NOVA1: variants seen among roughly 807,000 people sequenced by gnomAD.
NOVA1 encodes RNA-binding protein Nova-1.
A neutral mutation model predicts 38.0 loss-of-function variants in NOVA1; 7 were observed. The ratio of observed to expected loss-of-function variants is 0.18; its 90% CI spans 0.10 to 0.35. The LOEUF is 0.35. NOVA1 is among the 10% of genes least tolerant of loss of function. The probability of loss-of-function intolerance (pLI) is 1.00; values close to 1 mark genes in which losing one functional copy is unlikely to be tolerated. For missense variants in NOVA1, 460 were observed against 616.0 expected, an observed-to-expected ratio of 0.75 and a Z score of 2.68; for synonymous variants, 270 against 232.5, an observed-to-expected ratio of 1.16 and a Z score of -1.47.
At chr14:26,536,020 A>T (rs1890065841) in intron 2 of NOVA1, among the ~76,000 whole-genome samples, 1 of 151,972 alleles carries the variant, frequency 6.6e-6, no homozygotes, top group Non-Finnish European at 1.5e-5. Context: ...ACAATGGAGT[A>T]TTTAGCCATA....
chr14:26,597,607 G>T lies in NOVA1; in HGVS notation c.-171C>A. On this transcript the variant is annotated 5_prime_UTR_variant, in exon 1 of 5. Coordinates refer to ENST00000539517, the MANE Select transcript of NOVA1 (RefSeq NM_002515.3). ...CTTTAGGAAAAAAAGCAATGTTGCT[G>T]GTTTGTTCTCACTGGGGAGGGGGCA... 1 of 1,213,318 alleles carries T rather than the reference G, an allele frequency of 8.2e-7. No homozygotes were observed. Among genetic ancestry groups the T allele is most frequent in the African/African-American group, 1.7e-5 (1 of 59,756 alleles). The allele number at this position is 1,213,318 out of a possible 1,614,324, so 75.2% of individuals were successfully genotyped here.
intron 2 of NOVA1, among the ~76,000 whole-genome samples, chr14:26,548,271 TA>T (rs1470554715): frequency 1.3e-5 from 2 of 152,036 alleles, no homozygotes; most frequent in Admixed American, 6.6e-5. Context: ...GGAAAACACT[TA>T]AAATGTCCCT....
At chr14:26,590,929 ACT>A (rs1002393868) in intron 2 of NOVA1, among the ~76,000 whole-genome samples, 1 of 151,794 alleles carries the variant, frequency 6.6e-6, no homozygotes, top group East Asian at 1.9e-4. Context: ...CTTATAACTT[ACT>A]CTGTCAACAT....
chr14:26,480,682 T>C (rs1885392438), intron 2 of NOVA1, among the ~76,000 whole-genome samples: 1 of 152,114 alleles, frequency 6.6e-6, no homozygotes, highest in African/African-American at 2.4e-5. Context: ...TTTTTTTACT[T>C]TTTCACTAGA....
intron 2 of NOVA1, among the ~76,000 whole-genome samples, chr14:26,540,801 T>A (rs1371554641): frequency 6.6e-6 from 1 of 152,168 alleles, no homozygotes; most frequent in Non-Finnish European, 1.5e-5. Flanking sequence ...TCACAATTAG[T>A]TGAGTGAACT....
chr14:26,523,435 CTTCTT>C (rs1479924552), intron 2 of NOVA1, among the ~76,000 whole-genome samples: 1 of 152,186 alleles, frequency 6.6e-6, no homozygotes, highest in Non-Finnish European at 1.5e-5. Flanking sequence ...ATTCTCTTCT[CTTCTT>C]GTTTTGACAT....
chr14:26,513,450 A>C (rs528100155), intron 2 of NOVA1, among the ~76,000 whole-genome samples: 37 of 151,992 alleles, frequency 2.4e-4, no homozygotes, highest in Admixed American at 1.2e-3. Context: ...AAAAATTATT[A>C]ACATAATTAA....
intron 2 of NOVA1, among the ~76,000 whole-genome samples, chr14:26,572,681 G>T (rs905348514): frequency 1.3e-5 from 2 of 149,964 alleles, no homozygotes; most frequent in Non-Finnish European, 3.0e-5. Context: ...AGACTTCCTG[G>T]ATGATCATAT....
rs745327118 is a variant in NOVA1, at chr14:26,472,378, G to C, written c.461C>G (p.Ser154Cys). Residue 154 changes from serine to cysteine, a missense_variant, in exon 4 of 5, where the codon TCC (serine) becomes TGC (cysteine). Transcript: ENST00000539517. ...TGGAGAGGACTTGGTGGTAGTTGGG[G>C]AAGATGGCAATGTCTGGGAAACAAA... ...PDRIKQTLPS[S>C]PTTTKSSPSD... 3 of 1,539,026 alleles carry C rather than the reference G, an allele frequency of 1.9e-6. No homozygotes were observed. The highest frequency in any genetic ancestry group is 2.6e-6 in the Non-Finnish European group (3 of 1,137,384).
Position 26,448,421 on chromosome 14 carries a change from T to G in NOVA1, c.1062A>C (p.Pro354=). 1 of 1,611,738 alleles carries G rather than the reference T, an allele frequency of 6.2e-7. No homozygotes were observed. The highest frequency in any genetic ancestry group is 8.5e-7 in the Non-Finnish European group (1 of 1,179,388). Residue 354 remains proline, a synonymous_variant, in exon 5 of 5, where the codon CCA becomes CCC. Transcript: ENST00000539517. This position sits in a 1 kb window ranked among gnomAD's most constrained non-coding sequence, Gnocchi z 5.3. ...ALAAAAASAN[P]AAAAANLLAT... ...CCAATAAATTGGCTGCTGCTGCTGC[T>G]GGGTTGGCACTGGCAGCTGCTGCAG...
intron 2 of NOVA1, among the ~76,000 whole-genome samples, chr14:26,532,295 A>G (rs1397568987): frequency 6.6e-6 from 1 of 152,250 alleles, no homozygotes; most frequent in African/African-American, 2.4e-5. Flanking sequence ...AAGGTCCATT[A>G]ATAGATAAAT....
At chr14:26,466,450 T>C (rs1342975027) in intron 4 of NOVA1, among the ~76,000 whole-genome samples, 1 of 152,136 alleles carries the variant, frequency 6.6e-6, no homozygotes, top group Admixed American at 6.5e-5. Context: ...GGACATAGTC[T>C]GGAGTTTTAC....
At chr14:26,500,596 A>G (rs539911571) in intron 2 of NOVA1, among the ~76,000 whole-genome samples, 3 of 152,166 alleles carry the variant, frequency 2.0e-5, no homozygotes, top group African/African-American at 7.2e-5. Context: ...GGGAATATGA[A>G]AAGAAATGGA....
intron 2 of NOVA1, among the ~76,000 whole-genome samples, chr14:26,569,215 A>T (rs945059648): frequency 6.6e-6 from 1 of 152,214 alleles, no homozygotes; most frequent in African/African-American, 2.4e-5. Context: ...AACACATTTC[A>T]TAAGAGGTTT....
At chr14:26,477,248 G>A (rs1161956635) in intron 3 of NOVA1, among the ~76,000 whole-genome samples, 3 of 151,948 alleles carry the variant, frequency 2.0e-5, no homozygotes, top group African/African-American at 4.8e-5. Flanking sequence ...TTATCATGAC[G>A]ACAGTAAAAC....
At chr14:26,478,224 T>A (rs188343268) in intron 3 of NOVA1, among the ~76,000 whole-genome samples, 5 of 152,078 alleles carry the variant, frequency 3.3e-5, no homozygotes, top group African/African-American at 1.2e-4. Flanking sequence ...GTAAATCTCA[T>A]ACTGCCATAT....
chr14:26,546,823 T>C (rs1187404594), intron 2 of NOVA1, among the ~76,000 whole-genome samples: 1 of 152,072 alleles, frequency 6.6e-6, no homozygotes, highest in Non-Finnish European at 1.5e-5. Flanking sequence ...ATCAAGACCA[T>C]CCTGGCTAAC....
intron 2 of NOVA1, among the ~76,000 whole-genome samples, chr14:26,522,720 A>T (rs994055569): frequency 6.6e-6 from 1 of 152,124 alleles, no homozygotes; most frequent in Non-Finnish European, 1.5e-5. Flanking sequence ...ACAAAAATTC[A>T]CAGAACTGAC....
intron 2 of NOVA1, among the ~76,000 whole-genome samples, chr14:26,571,015 CT>C (rs1210582707): frequency 6.7e-6 from 1 of 148,202 alleles, no homozygotes; most frequent in Non-Finnish European, 1.5e-5. Context: ...AGTCTGTTCT[CT>C]CTTTACTATG....
Sources: gnomAD v4.1 joint callset for allele counts (sites outside exome capture counted in the v4.1 genomes callset) on GRCh38, gnomAD v4.1.1 for gene constraint, Gnocchi (gnomAD v3.1) non-coding constraint, MANE v1.5 for transcripts, NCBI Gene and HGNC (gene_info 2026-07-23, HGNC 2026-07-21) for gene names.